Variants in ARMC8 observed in about 807,000 individuals in gnomAD.
ARMC8 encodes the protein armadillo repeat containing 8, also known as armadillo repeat-containing protein 8.
Under a neutral mutation model 99.3 loss-of-function variants are expected in ARMC8, and 20 were observed. The ratio of observed to expected loss-of-function variants is 0.20; its 90% confidence interval spans 0.14 to 0.29. The LOEUF (loss-of-function observed/expected upper bound fraction) is 0.29. Ranked by LOEUF, ARMC8 falls within the 10% of genes least tolerant of loss-of-function variation. The pLI is 1.00. For missense variants in ARMC8, 569 were observed against 809.5 expected (o/e 0.70, Z 3.60); for synonymous variants, 263 against 278.3 (o/e 0.95, Z 0.55).
intron 2 of ARMC8, among the ~76,000 whole-genome samples, chr3:138,216,784 C>G (rs1182611783): frequency 2.0e-5 from 3 of 152,082 alleles, no homozygotes; most frequent in African/African-American, 7.2e-5. Context: ...TTTTTGGCTA[C>G]TTCATACTAA....
chr3:138,279,719 G>T (rs2108336711), intron 18 of ARMC8, among the ~76,000 whole-genome samples: 1 of 152,252 alleles, frequency 6.6e-6, no homozygotes, highest in South Asian at 2.1e-4. Context: ...TTTTTTAATA[G>T]AAATAGGACT....
intron 12 of ARMC8, among the ~76,000 whole-genome samples, chr3:138,247,166 TTTG>T (rs2046920519): frequency 6.6e-6 from 1 of 152,326 alleles, no homozygotes; most frequent in Admixed American, 6.5e-5. Flanking sequence ...CTTTTCCTTT[TTTG>T]TTGTTGAAAT....
chr3:138,264,404 T>TTTTC (rs1448247002), intron 14 of ARMC8, among the ~76,000 whole-genome samples, 192 bp downstream of exon 14: 1 of 138,942 alleles, frequency 7.2e-6, no homozygotes, highest in Admixed American at 8.4e-5. Context: ...ACAGGCCTGA[T>TTTTC]TTTCTTTCTT....
intron 12 of ARMC8, among the ~76,000 whole-genome samples, chr3:138,257,102 C>T (rs1249614752): frequency 2.6e-5 from 4 of 152,182 alleles, no homozygotes; most frequent in Non-Finnish European, 4.4e-5. Context: ...TGAACAGGCA[C>T]AAATGTGTTT....
intron 2 of ARMC8, among the ~76,000 whole-genome samples, chr3:138,211,453 C>T (rs1276209992): frequency 2.0e-5 from 3 of 152,008 alleles, no homozygotes; most frequent in African/African-American, 7.2e-5. Context: ...TTTTTACTTA[C>T]CAAAGAACAC....
chr3:138,284,122 TAA>T (rs1465828958), intron 18 of ARMC8, among the ~76,000 whole-genome samples: 2 of 152,244 alleles, frequency 1.3e-5, no homozygotes, highest in African/African-American at 2.4e-5. Context: ...AGAAAAATAA[TAA>T]GTTACATTTT....
intron 19 of ARMC8, among the ~76,000 whole-genome samples, chr3:138,287,035 C>G (rs79461860): frequency 0.04 from 6,032 of 152,294 alleles, 131 homozygotes; most frequent in Middle Eastern, 0.075. Context: ...TGCCCCCACC[C>G]TAGTCAGTCC....
intron 15 of ARMC8, among the ~76,000 whole-genome samples, chr3:138,268,676 C>T (rs1039588019): frequency 6.6e-6 from 1 of 151,604 alleles, no homozygotes; most frequent in South Asian, 2.1e-4. Flanking sequence ...CTCGAGAGGC[C>T]GAGGCAGGAG....
In ARMC8 at chr3:138,251,233, T is replaced by C. The variant is rs141605021; in HGVS notation, c.1134+6050T>C. The stretch of plus-strand genomic sequence containing the variant: ...ATTTTTATTTATTACTAGTTGATCT[T>C]CTGGGTAACAGTATAAATGTACCGT... On this transcript the variant is annotated intron_variant, in intron 12 of 21. Coordinates refer to ENST00000469044, the MANE Select transcript of ARMC8 (RefSeq NM_001363941.2). Among the ~76,000 whole-genome samples the C allele has an allele frequency of 7.4e-3, 1,132 of 152,308 alleles. 9 individuals carry two copies. The highest frequency in any genetic ancestry group is 0.026 in the African/African-American group (1,062 of 41,568).
chr3:138,201,734 C>A (rs958631344), intron 1 of ARMC8, among the ~76,000 whole-genome samples: 2 of 152,178 alleles, frequency 1.3e-5, no homozygotes, highest in African/African-American at 4.8e-5. Context: ...GCTGGGATTA[C>A]AGGCGTGGGC....
chr3:138,193,692 C>A (rs77418931), intron 1 of ARMC8, among the ~76,000 whole-genome samples: 7,159 of 152,242 alleles, frequency 0.047, 557 homozygotes, highest in African/African-American at 0.16. Flanking sequence ...TGATCTCATA[C>A]CTTATACAAA....
Position 138,296,014 on chromosome 3 carries a change from A to T in ARMC8, c.*122A>T. 1 of 1,027,992 alleles carries T rather than the reference A, an allele frequency of 9.7e-7. No homozygotes were observed. The allele number at this position is 1,027,992 out of a possible 1,614,324, so 63.7% of individuals were successfully genotyped here. ...CTTGGACTGCAGGGAGCTGTTTTGC[A>T]AAAGCAGTTTAGTAGGCTTAGATCT... On this transcript the variant is annotated 3_prime_UTR_variant, in exon 22 of 22. Coordinates refer to ENST00000469044, the MANE Select transcript of ARMC8 (RefSeq NM_001363941.2).
At chr3:138,267,662 A>G (rs2048396880) in intron 15 of ARMC8, among the ~76,000 whole-genome samples, 1 of 152,168 alleles carries the variant, frequency 6.6e-6, no homozygotes, top group African/African-American at 2.4e-5. Flanking sequence ...TTGATGTTTA[A>G]TGTTAATGGT....
intron 11 of ARMC8, among the ~76,000 whole-genome samples, chr3:138,244,529 C>G (rs186277088): frequency 6.6e-6 from 1 of 152,144 alleles, no homozygotes; most frequent in Admixed American, 6.5e-5. Flanking sequence ...CCATCTGCCT[C>G]GGCCTCCCAA....
intron 2 of ARMC8, among the ~76,000 whole-genome samples, chr3:138,210,507 T>A (rs1193104559): frequency 6.6e-6 from 1 of 152,154 alleles, no homozygotes; most frequent in African/African-American, 2.4e-5. Context: ...TCCTTTGAGT[T>A]TCAGATTATC....
At chr3:138,221,460 A>G (rs1054732203) in intron 2 of ARMC8, among the ~76,000 whole-genome samples, 3 of 152,232 alleles carry the variant, frequency 2.0e-5, no homozygotes, top group Non-Finnish European at 4.4e-5. Flanking sequence ...TAGTAAGACA[A>G]TAAAGCAGAT....
intron 14 of ARMC8, among the ~76,000 whole-genome samples, chr3:138,265,595 G>A (rs1302484168): frequency 2.0e-5 from 3 of 152,176 alleles, no homozygotes; most frequent in Non-Finnish European, 2.9e-5. Context: ...ATTCAGGCAG[G>A]AAGAATATAA....
intron 1 of ARMC8, among the ~76,000 whole-genome samples, chr3:138,203,953 A>C (rs1454966534): frequency 1.3e-5 from 2 of 152,202 alleles, no homozygotes; most frequent in Non-Finnish European, 2.9e-5. Flanking sequence ...AAGCCTCAGT[A>C]AGCCCCTTAT....
intron 19 of ARMC8, 49 bp downstream of exon 19, chr3:138,284,575 G>A (rs781299048): frequency 3.7e-6 from 5 of 1,350,532 alleles, no homozygotes; most frequent in Non-Finnish European, 5.3e-6. Context: ...AGGGACTGTT[G>A]CATTTTTAAC....
Sources: allele counts gnomAD v4.1 joint callset (sites outside exome capture counted in the v4.1 genomes callset), GRCh38; gene constraint gnomAD v4.1.1; transcripts MANE v1.5; gene names NCBI Gene and HGNC (gene_info 2026-07-23, HGNC 2026-07-21).